LRIG1: variants seen among roughly 807,000 people sequenced by gnomAD.
The protein encoded by LRIG1 is leucine rich repeats and immunoglobulin like domains 1, also known as leucine-rich repeats and immunoglobulin-like domains protein 1.
In LRIG1, 48 loss-of-function variants were observed where a neutral mutation model predicts 99.2. The ratio of observed to expected loss-of-function variants is 0.48; its 90% CI spans 0.38 to 0.62. LRIG1 has a LOEUF of 0.62. Ranked by LOEUF, LRIG1 falls within the 20% of genes least tolerant of loss-of-function variation. LRIG1 has a pLI of 0.00. For missense variants in LRIG1, 1,646 were observed against 1,434.4 expected (o/e 1.15, Z -2.38); for synonymous variants, 772 against 596.1 (o/e 1.29, Z -4.30).
intron 2 of LRIG1, among the ~76,000 whole-genome samples, chr3:66,459,552 C>T (rs777853956): frequency 6.6e-5 from 10 of 152,334 alleles, no homozygotes; most frequent in Admixed American, 1.3e-4. Flanking sequence ...ACACTGTTTC[C>T]GTTATCAAGC....
chr3:66,460,496 G>A (rs1477483176), intron 2 of LRIG1, among the ~76,000 whole-genome samples: 2 of 152,128 alleles, frequency 1.3e-5, no homozygotes, highest in African/African-American at 2.4e-5. Flanking sequence ...AAGAGGTGAT[G>A]GGCCCTGATC....
At chr3:66,424,800 C>G (rs1461779576) in intron 3 of LRIG1, among the ~76,000 whole-genome samples, 2 of 152,196 alleles carry the variant, frequency 1.3e-5, no homozygotes, top group African/African-American at 4.8e-5. Context: ...AATTGTACTT[C>G]AAGTACCCAT....
chr3:66,487,376 C>CCA, intron 1 of LRIG1, among the ~76,000 whole-genome samples: 1 of 152,302 alleles, frequency 6.6e-6, no homozygotes, highest in Admixed American at 6.5e-5. Flanking sequence ...ATGAAGTCCT[C>CCA]CACACAGGCC....
intron 1 of LRIG1, among the ~76,000 whole-genome samples, chr3:66,467,779 C>T (rs2106856021): frequency 6.6e-6 from 1 of 152,310 alleles, no homozygotes; most frequent in East Asian, 1.9e-4. Context: ...TGTGCTGTGT[C>T]TGAATTACAA....
At chr3:66,435,019 GC>G (rs1235227528) in intron 3 of LRIG1, among the ~76,000 whole-genome samples, 5 of 152,084 alleles carry the variant, frequency 3.3e-5, no homozygotes, top group African/African-American at 1.2e-4. Context: ...TTTAAAAGCA[GC>G]CCCAAACTGG....
chr3:66,430,533 G>A (rs532567683), intron 3 of LRIG1, among the ~76,000 whole-genome samples: 1 of 152,274 alleles, frequency 6.6e-6, no homozygotes, highest in East Asian at 1.9e-4. Flanking sequence ...CGCCTCCCCT[G>A]GGAGTTCCAC....
intron 3 of LRIG1, among the ~76,000 whole-genome samples, chr3:66,439,900 T>G (rs1703485678): frequency 1.3e-5 from 2 of 152,078 alleles, no homozygotes; most frequent in South Asian, 4.1e-4. Context: ...TATCTTCAAA[T>G]TAAATCAACA....
At chr3:66,399,502 G>A (rs1204360348) in intron 9 of LRIG1, among the ~76,000 whole-genome samples, 1 of 152,190 alleles carries the variant, frequency 6.6e-6, no homozygotes, top group Admixed American at 6.5e-5. Context: ...ACTGGGCATG[G>A]TGGCTCACAC....
Position 66,448,836 on chromosome 3 carries a change from A to G in LRIG1, c.365+2723T>C, listed in dbSNP as rs545924925. Among the ~76,000 whole-genome samples the G allele has an allele frequency of 2.0e-5, 3 of 152,322 alleles. No homozygotes were observed. In the East Asian group the frequency reaches 5.8e-4, roughly 29 times the overall value. On this transcript the variant is annotated intron_variant, in intron 3 of 18. Coordinates refer to ENST00000273261, the MANE Select transcript of LRIG1 (RefSeq NM_015541.3). ...GATTAAGGACTATAAGCATCTAACTATTAACTACCACATTTTCAGACGATG... is the reference window on the plus strand; with the variant it reads ...GATTAAGGACTATAAGCATCTAACTGTTAACTACCACATTTTCAGACGATG...
intron 1 of LRIG1, among the ~76,000 whole-genome samples, chr3:66,496,010 C>G (rs1303191692): frequency 1.3e-5 from 2 of 152,190 alleles, no homozygotes; most frequent in African/African-American, 4.8e-5. Context: ...TTTCAGCTAA[C>G]GGTGCAGAGC....
At chr3:66,396,477 T>C (rs1346208811) in intron 11 of LRIG1, among the ~76,000 whole-genome samples, 1 of 152,258 alleles carries the variant, frequency 6.6e-6, no homozygotes, top group Non-Finnish European at 1.5e-5. Context: ...ACAACCTGAC[T>C]TGATCTGATG....
At chr3:66,467,691 T>G (rs1023519914) in intron 1 of LRIG1, among the ~76,000 whole-genome samples, 1 of 152,242 alleles carries the variant, frequency 6.6e-6, no homozygotes, top group Non-Finnish European at 1.5e-5. Flanking sequence ...TGTTCAACAG[T>G]ACCACGTGGC....
At chr3:66,385,023 G>A (rs185221658) in intron 13 of LRIG1, among the ~76,000 whole-genome samples, 3 of 152,324 alleles carry the variant, frequency 2.0e-5, no homozygotes, top group East Asian at 1.9e-4. Context: ...GGCTTAAAGA[G>A]CAAAGCAGAT....
At chr3:66,397,448 T>TA (rs386396916) in intron 11 of LRIG1, among the ~76,000 whole-genome samples, 69,471 of 131,404 alleles carry the variant, frequency 0.53, 20,426 homozygotes, top group Non-Finnish European at 0.67. Context: ...CATGTCTAGC[T>TA]AAAAAAAAAA....
At chr3:66,468,374 T>C (rs1255663449) in intron 1 of LRIG1, among the ~76,000 whole-genome samples, 1 of 152,192 alleles carries the variant, frequency 6.6e-6, no homozygotes, top group Non-Finnish European at 1.5e-5. Flanking sequence ...TTTTTCAACA[T>C]TAACAGAATA....
At position 66,383,195 on chromosome 3, in the gene LRIG1, G is replaced by C; in HGVS notation, c.2278C>G (p.Arg760Gly). The part of the protein sequence containing the change: ...VQNVVAEDAG[R>G]YTCEMSNTLG... ...GTGTTGGACATCTCACAGGTATATC[G>C]GCCCGCATCCTCTGCCACCACGTTC... Residue 760 changes from arginine (R) to glycine (G), a missense_variant, in exon 15 of 19, where the codon CGA (arginine) becomes GGA (glycine). Coordinates refer to ENST00000273261, the MANE Select transcript of LRIG1 (RefSeq NM_015541.3). The C allele has an allele frequency of 6.2e-7, 1 of 1,614,188 alleles. No individual in the cohort carries two copies. The highest frequency in any genetic ancestry group is 8.5e-7 in the Non-Finnish European group (1 of 1,180,038).
chr3:66,412,758 C>T, intron 6 of LRIG1, 113 bp downstream of exon 6: 1 of 1,287,848 alleles, frequency 7.8e-7, no homozygotes, highest in Non-Finnish European at 1.1e-6. Context: ...ACACACCCAA[C>T]ACACAGCAAC....
chr3:66,437,626 C>T (rs1703403369), intron 3 of LRIG1, among the ~76,000 whole-genome samples: 3 of 152,214 alleles, frequency 2.0e-5, no homozygotes, highest in Admixed American at 2.0e-4. Context: ...CCCACAATCA[C>T]TTATCCTTAA....
intron 11 of LRIG1, 26 bp downstream of exon 11, chr3:66,398,086 C>T (rs1372305539): frequency 6.3e-7 from 1 of 1,583,694 alleles, no homozygotes; most frequent in Non-Finnish European, 8.7e-7. Flanking sequence ...TACCATTAAT[C>T]AGACCCAGGG....
Sources: gnomAD v4.1 joint callset for allele counts (sites outside exome capture counted in the v4.1 genomes callset) on GRCh38, gnomAD v4.1.1 for gene constraint, MANE v1.5 for transcripts, NCBI Gene and HGNC (gene_info 2026-07-23, HGNC 2026-07-21) for gene names.